Variants in PLK2 observed in about 807,000 individuals in gnomAD.
PLK2 encodes serine/threonine-protein kinase PLK2.
In PLK2, 25 loss-of-function variants were observed where a neutral mutation model predicts 78.1. The ratio of observed to expected loss-of-function variants is 0.32; its 90% CI spans 0.23 to 0.45. The LOEUF is 0.45. PLK2 is among the 20% of genes least tolerant of loss of function. The probability of loss-of-function intolerance (pLI) is 1.00; values close to 1 mark genes in which losing one functional copy is unlikely to be tolerated. For missense variants in PLK2, 566 were observed against 840.2 expected, an observed-to-expected ratio of 0.67 and a Z score of 4.04; for synonymous variants, 332 against 298.2, an observed-to-expected ratio of 1.11 and a Z score of -1.17.
At chr5:58,455,923 T>C (rs2111706961) in intron 10 of PLK2, 103 bp downstream of exon 10, 2 of 1,477,664 alleles carry the variant, frequency 1.4e-6, no homozygotes, top group East Asian at 4.5e-5. Flanking sequence ...TCTTACTACT[T>C]CTATGTTAAA....
In PLK2 at chr5:58,458,838, C is replaced by T; in HGVS notation, c.382G>A (p.Asp128Asn). The change falls in exon 3 of 14, where the codon GAC becomes AAC. Residue 128 changes from aspartate (D) to asparagine (N), a missense_variant. Around this residue, in one of 5 missense-constraint regions of PLK2, gnomAD observed 179 missense variants for 342.3 expected, o/e 0.52. Coordinates refer to ENST00000274289, the MANE Select transcript of PLK2 (RefSeq NM_006622.4). The part of the protein sequence containing the change: ...VAKPHQREKI[D>N]KEIELHRILH... Reference sequence around the variant, plus strand: ...ATTCTGTGAAGCTCTATTTCTTTGTCAATCTAAATGAAAAAGCAAGGTAAG... The same window carrying T: ...ATTCTGTGAAGCTCTATTTCTTTGTTAATCTAAATGAAAAAGCAAGGTAAG... 6.3e-7 allele frequency: 1 copy of T among 1,582,094 alleles called. No individual in the cohort carries two copies. Among genetic ancestry groups the T allele is most frequent in the Non-Finnish European group, 8.7e-7 (1 of 1,151,482 alleles).
rs1181444215 is a variant in PLK2 at position 58,454,343 on chromosome 5, A to C, written c.*240T>G. The C allele has an allele frequency of 2.6e-6, 1 of 388,932 alleles. No individual in the cohort carries two copies. Among genetic ancestry groups the C allele is most frequent in the East Asian group, 3.7e-5 (1 of 27,056 alleles). 24.1% of individuals were successfully genotyped at this position (388,932 alleles called of 1,614,324 possible). On this transcript the variant is annotated 3_prime_UTR_variant, in exon 14 of 14. Coordinates refer to ENST00000274289, the MANE Select transcript of PLK2 (RefSeq NM_006622.4). ...ACCTTTCTGCAAAATTGTCTGAAAA[A>C]CCTTTTAAAACAGGTATCTCAAGGA...
At chr5:58,459,658 C>T (rs1254040637) in intron 1 of PLK2, 32 bp downstream of exon 1, 2 of 1,522,078 alleles carry the variant, frequency 1.3e-6, no homozygotes, top group African/African-American at 1.4e-5. Flanking sequence ...ACCTCCCGCC[C>T]GCCCGGCAGC....
intron 10 of PLK2, 59 bp from the exon 11 acceptor site, chr5:58,455,838 G>T: frequency 3.8e-6 from 6 of 1,589,964 alleles, no homozygotes; most frequent in Non-Finnish European, 5.1e-6. Flanking sequence ...AAAACCTCAG[G>T]CTTTGGTAGA....
intron 5 of PLK2, 185 bp from the exon 6 acceptor site, chr5:58,457,768 T>C (rs1379610262): frequency 1.0e-5 from 6 of 593,890 alleles, no homozygotes; most frequent in East Asian, 8.3e-5. Flanking sequence ...AAATGAGTTT[T>C]GGTAATTTTT....
In PLK2 at chr5:58,455,327, C is replaced by T. The variant is rs374577682; in HGVS notation, c.1713G>A (p.Val571=). 6.2e-7 allele frequency: 1 copy of T among 1,613,948 alleles called. No individual in the cohort carries two copies. Among genetic ancestry groups the T allele is most frequent in the Non-Finnish European group, 8.5e-7 (1 of 1,179,950 alleles). ...APEQFISQVT[V]LKYFSHYMEE... is the part of the protein sequence containing the mutation. ...CCATGTAATGAGAAAAGTATTTCAG[C>T]ACCGTCACTTGACTAATAAATTGCT... Residue 571 remains valine, a synonymous_variant, in exon 12 of 14, where the codon GTG becomes GTA. Transcript: ENST00000274289.
intron 1 of PLK2, 43 bp downstream of exon 1, chr5:58,459,647 G>T (rs1192432248): frequency 6.7e-7 from 1 of 1,503,124 alleles, no homozygotes; most frequent in South Asian, 1.3e-5. Flanking sequence ...CGCCCGGACA[G>T]ACCTCCCGCC....
chr5:58,456,369 T>A, intron 9 of PLK2, 123 bp downstream of exon 9: 1 of 828,080 alleles, frequency 1.2e-6, no homozygotes, highest in Non-Finnish European at 1.9e-6. Context: ...TCAAAGGGTT[T>A]GAAGAAAAAC....
At position 58,458,175 on chromosome 5, in the gene PLK2, G is replaced by A. The variant is rs1353631286; in HGVS notation, c.626-4C>T. ...GCTTCATTAATAAAAAAGTTCCCTA[G>A]ACGATAAACAAAACAAAATGTGAAT... On this transcript the variant is annotated splice_polypyrimidine_tract_variant and splice_region_variant and intron_variant, in intron 4 of 13. Coordinates refer to ENST00000274289, the MANE Select transcript of PLK2 (RefSeq NM_006622.4). 3 of 1,594,072 alleles carry A rather than the reference G, an allele frequency of 1.9e-6. No individual in the cohort carries two copies. Among genetic ancestry groups the A allele is most frequent in the Admixed American group, 3.3e-5 (2 of 59,984 alleles).
chr5:58,457,337 A>G lies in PLK2; in HGVS notation c.852T>C (p.Asn284=). ...TTATGCACCTATAAGTTTCTTTGAGATTTGTAGTTTCAAATGGGGGCCTCC... is the reference window on the plus strand; with the variant it reads ...TTATGCACCTATAAGTTTCTTTGAGGTTTGTAGTTTCAAATGGGGGCCTCC... ...LLGRPPFETT[N]LKETYRCIRE... The change falls in exon 7 of 14, where the codon AAT becomes AAC. Residue 284 remains asparagine, a synonymous_variant. Transcript: ENST00000274289. 6.2e-7 allele frequency: 1 copy of G among 1,613,832 alleles called. No individual in the cohort carries two copies. Among genetic ancestry groups the G allele is most frequent in the Non-Finnish European group, 8.5e-7 (1 of 1,179,692 alleles).
intron 10 of PLK2, 59 bp downstream of exon 10, chr5:58,455,967 T>G: frequency 6.5e-7 from 1 of 1,547,198 alleles, no homozygotes; most frequent in Non-Finnish European, 8.8e-7. Flanking sequence ...TAAATTATTA[T>G]GTATTTAGCA....
chr5:58,458,637 C>T (rs971956242), intron 3 of PLK2, 88 bp downstream of exon 3: 18 of 1,281,608 alleles, frequency 1.4e-5, no homozygotes, highest in Non-Finnish European at 1.8e-5. Context: ...GTAAGTGCTG[C>T]CACAGCTAAA....
chr5:58,455,006 T>C lies in PLK2; in HGVS notation c.1771A>G (p.Ser591Gly), dbSNP rs768358280. The change falls in exon 13 of 14, where the codon AGT (serine) becomes GGT (glycine). Residue 591 changes from serine to glycine, a missense_variant. Coordinates refer to ENST00000274289, the MANE Select transcript of PLK2 (RefSeq NM_006622.4). The part of the protein sequence containing the change: ...ENLMDGGDLP[S>G]VTDIRRPRLY... ...CGAGGTCTTCGAATATCAGTAACAC[T>C]AGGCAGATCTCCACCCTGGAAGAGA... is the stretch of plus-strand genomic sequence containing the variant. 2.0e-5 allele frequency: 32 copies of C among 1,602,988 alleles called. No homozygotes were observed. Among genetic ancestry groups the C allele is most frequent in the Non-Finnish European group, 2.6e-5 (30 of 1,170,210 alleles).
chr5:58,459,923 C>T lies in PLK2; in HGVS notation c.37G>A (p.Ala13Thr), dbSNP rs115808605. Residue 13 changes from alanine (A) to threonine (T), a missense_variant, in exon 1 of 14, where the codon GCC becomes ACC. Around this residue, in one of 5 missense-constraint regions of PLK2, gnomAD observed 127 missense variants for 122.5 expected, o/e 1.04. Transcript: ENST00000274289. ...LLRTITYQPA[A>T]STKMCEQALG... Reference sequence around the variant, plus strand: ...GCCTGCTCGCACATTTTGGTGCTGGCGGCTGGCTGGTAGGTGATAGTCCGC... The same window carrying T: ...GCCTGCTCGCACATTTTGGTGCTGGTGGCTGGCTGGTAGGTGATAGTCCGC... The T allele has an allele frequency of 6.2e-7, 1 of 1,611,120 alleles. No individual in the cohort carries two copies. The highest frequency in any genetic ancestry group is 8.5e-7 in the Non-Finnish European group (1 of 1,179,222).
rs201141443 is a variant in PLK2, at chr5:58,457,117, C to T, written c.1009-25G>A. On this transcript the variant is annotated intron_variant, in intron 7 of 13. Transcript: ENST00000274289. ...CCTGTGGAATATTAGAAAAAGCCTT[C>T]AGTAACCTGTCAGGTAACTGGGATC... 2.5e-5 allele frequency: 40 copies of T among 1,611,614 alleles called. No individual in the cohort carries two copies. In the Admixed American group the frequency reaches 5.0e-4, roughly 20 times the overall value.
At chr5:58,457,793 G>A (rs556984382) in intron 5 of PLK2, 9 of 592,170 alleles carry the variant, frequency 1.5e-5, no homozygotes, top group East Asian at 5.6e-5. Flanking sequence ...ATGCACACAC[G>A]TTGTTTTAGC....
chr5:58,458,241 C>G, intron 4 of PLK2, 70 bp from the exon 5 acceptor site: 1 of 1,333,280 alleles, frequency 7.5e-7, no homozygotes, highest in Non-Finnish European at 1.1e-6. Context: ...CACACATCCA[C>G]TTTGGAGCCA....
rs1278870381 is a variant in PLK2, at chr5:58,454,289, C to T, written c.*294G>A. 1 of 266,430 alleles carries T rather than the reference C, an allele frequency of 3.8e-6. No individual in the cohort carries two copies. The highest frequency in any genetic ancestry group is 2.2e-5 in the African/African-American group (1 of 45,706). 16.5% of individuals were successfully genotyped at this position (266,430 alleles called of 1,614,324 possible). On this transcript the variant is annotated 3_prime_UTR_variant, in exon 14 of 14. Coordinates refer to ENST00000274289, the MANE Select transcript of PLK2 (RefSeq NM_006622.4). Reference sequence around the variant, plus strand: ...TCCAAAGTCCTCTGGCTGAAATGCTCTCAACAGAGAGAATTTAAGAATCAA... The same window carrying T: ...TCCAAAGTCCTCTGGCTGAAATGCTTTCAACAGAGAGAATTTAAGAATCAA...
At chr5:58,458,273 A>C in intron 4 of PLK2, 102 bp from the exon 5 acceptor site, 1 of 1,301,092 alleles carries the variant, frequency 7.7e-7, no homozygotes, top group South Asian at 1.2e-5. Flanking sequence ...GTTATATGAA[A>C]GTCGCCCATT....
Sources: gnomAD v4.1 joint callset for allele counts on GRCh38, gnomAD v4.1.1 for gene constraint, gnomAD v4.1.1 regional missense constraint, MANE v1.5 for transcripts, NCBI Gene and HGNC (gene_info 2026-07-23, HGNC 2026-07-21) for gene names.